The following TNXB variants were observed in gnomAD, a reference collection of about 807,000 sequenced individuals.
TNXB encodes the protein tenascin XB.
Under a neutral mutation model 340.5 loss-of-function variants are expected in TNXB, and 183 were observed. That is an observed-to-expected ratio of 0.54 (90% CI 0.48 to 0.61). The LOEUF (loss-of-function observed/expected upper bound fraction) is 0.61. Ranked by LOEUF, TNXB falls within the 20% of genes least tolerant of loss-of-function variation. The probability of loss-of-function intolerance (pLI) is 0.00; values close to 1 mark genes in which losing one functional copy is unlikely to be tolerated. For missense variants in TNXB, 4,613 were observed against 5,446.4 expected (o/e 0.85, Z 4.82); for synonymous variants, 2,121 against 2,314.5 (o/e 0.92, Z 2.40).
rs982856078 is a variant in TNXB, at chr6:32,048,558, C to T, written c.9850G>A (p.Val3284Met). The change falls in exon 29 of 44, where the codon GTG (valine) becomes ATG (methionine). Residue 3284 changes from valine to methionine, a missense_variant. Around this residue, in one of 7 missense-constraint regions of TNXB, gnomAD observed 4,327 missense variants for 4,859.4 expected, o/e 0.89. Coordinates refer to ENST00000644971, the MANE Select transcript of TNXB (RefSeq NM_001365276.2). ...TSDSVGLSWT[V>M]AQGPFDSFLV... ...AAGGAGTCAAAGGGGCCCTGGGCCACCGTCCATGAGAGGCCCACTGAGTCC... is the reference window on the plus strand; with the variant it reads ...AAGGAGTCAAAGGGGCCCTGGGCCATCGTCCATGAGAGGCCCACTGAGTCC... 1 of 1,584,870 alleles carries T rather than the reference C, an allele frequency of 6.3e-7. No individual in the cohort carries two copies. Among genetic ancestry groups the T allele is most frequent in the South Asian group, 1.1e-5 (1 of 87,044 alleles).
Position 32,095,774 on chromosome 6 carries a change from C to A in TNXB, c.2079G>T (p.Gly693=). The change falls in exon 3 of 44, where the codon GGG becomes GGT. Residue 693 remains glycine (G), a synonymous_variant. Coordinates refer to ENST00000644971, the MANE Select transcript of TNXB (RefSeq NM_001365276.2). ...PPASACPGGC[G]PRELCRAGQC... ...GGCCTGCCCGGCACAGTTCCCGGGG[C>A]CCGCAGCCTCCAGGGCAGGCGCTGG... The A allele has an allele frequency of 6.2e-7, 1 of 1,613,684 alleles. No homozygotes were observed. Among genetic ancestry groups the A allele is most frequent in the Admixed American group, 1.7e-5 (1 of 60,000 alleles).
At chr6:32,065,374 C>T (rs1240484781) in intron 18 of TNXB, among the ~76,000 whole-genome samples, 2 of 152,138 alleles carry the variant, frequency 1.3e-5, no homozygotes, top group Non-Finnish European at 2.9e-5. Flanking sequence ...TGGCTCATCC[C>T]CACACTTCCT....
intron 1 of TNXB, among the ~76,000 whole-genome samples, chr6:32,103,233 G>A (rs28732173): frequency 0.039 from 5,899 of 151,468 alleles, 208 homozygotes; most frequent in Admixed American, 0.11. Context: ...CCAGCCTGGC[G>A]ATCATGCTGA....
At position 32,072,779 on chromosome 6, in the gene TNXB, GT is replaced by G. The variant is rs1229162163; in HGVS notation, c.4682-482del. Among the ~76,000 whole-genome samples, 4 of 152,176 alleles carry G rather than the reference GT, an allele frequency of 2.6e-5. No homozygotes were observed. Among genetic ancestry groups the G allele is most frequent in the Non-Finnish European group, 5.9e-5 (4 of 68,030 alleles). ...AGCCTGGCCAACATGGCGAAACCCTGTTTCTACTAAAAATACAAAAAATTAG... is the reference window on the plus strand; with the variant it reads ...AGCCTGGCCAACATGGCGAAACCCTGTTCTACTAAAAATACAAAAAATTAG... On this transcript the variant is annotated intron_variant, in intron 12 of 43. Transcript: ENST00000644971. This position sits in a 1 kb window ranked among gnomAD's most constrained non-coding sequence, Gnocchi z 4.4.
rs1296107424 is a variant in TNXB, at chr6:32,069,755, G to A, written c.5385C>T (p.Ser1795=). The A allele has an allele frequency of 6.2e-7, 1 of 1,612,768 alleles. No homozygotes were observed. Among genetic ancestry groups the A allele is most frequent in the South Asian group, 1.1e-5 (1 of 90,900 alleles). ...CAAACTGGCCCTCAGGGACTGTCCA[G>A]GAGAGGCCCACGGAGTTCTGGGTCA... The part of the protein sequence containing the change: ...TTVTQNSVGL[S]WTVPEGQFDS... Residue 1795 remains serine, a synonymous_variant, in exon 15 of 44, where the codon TCC becomes TCT. Transcript: ENST00000644971. This position sits in a 1 kb window ranked among gnomAD's most constrained non-coding sequence, Gnocchi z 6.2.
At position 32,046,300 on chromosome 6, in the gene TNXB, G is replaced by T. The variant is rs559445177; in HGVS notation, c.10481C>A (p.Pro3494His). The change falls in exon 31 of 44, where the codon CCT becomes CAT. Residue 3494 changes from proline (P) to histidine (H), a missense_variant. Coordinates refer to ENST00000644971, the MANE Select transcript of TNXB (RefSeq NM_001365276.2). This position sits in a 1 kb window ranked among gnomAD's most constrained non-coding sequence, Gnocchi z 6.9. ...RDTDGQPRAVPVAADQRTVTV... is the reference protein window; with the variant it reads ...RDTDGQPRAVHVAADQRTVTV... ...GACTGTGCGCTGGTCTGCGGCCACAGGCACTGCCCTGGGCTGCCCGTCCGT... is the reference window on the plus strand; with the variant it reads ...GACTGTGCGCTGGTCTGCGGCCACATGCACTGCCCTGGGCTGCCCGTCCGT... 1 of 1,606,628 alleles carries T rather than the reference G, an allele frequency of 6.2e-7. No homozygotes were observed. The highest frequency in any genetic ancestry group is 1.3e-5 in the African/African-American group (1 of 75,030).
chr6:32,083,600 G>A lies in TNXB; in HGVS notation c.3445+813C>T, dbSNP rs1182526125. 6.6e-6 allele frequency among the ~76,000 whole-genome samples: 1 copy of A among 151,926 alleles called. No individual in the cohort carries two copies. The highest frequency in any genetic ancestry group is 1.5e-5 in the Non-Finnish European group (1 of 67,996). On this transcript the variant is annotated intron_variant, in intron 8 of 43. Coordinates refer to ENST00000644971, the MANE Select transcript of TNXB (RefSeq NM_001365276.2). This position sits in a 1 kb window ranked among gnomAD's most constrained non-coding sequence, Gnocchi z 4.6. ...TGCCTGGTACACCTTGCTTTCCTTCGCCTCCCCCATCCAGCCCCACTGCCA... is the reference window on the plus strand; with the variant it reads ...TGCCTGGTACACCTTGCTTTCCTTCACCTCCCCCATCCAGCCCCACTGCCA...
In TNXB at chr6:32,097,194, C is replaced by G. The variant is rs1293355530; in HGVS notation, c.659G>C (p.Gly220Ala). ...GCAGCGCCCACGGCCTTGGCAGTCC[C>G]CGGGACAGGATGGCCAGCCACAGCT... The part of the protein sequence containing the change: ...GPSCGWPSCP[G>A]DCQGRGRCVQ... The change falls in exon 3 of 44, where the codon GGG (glycine) becomes GCG (alanine). Residue 220 changes from glycine to alanine, a missense_variant. Physicochemically the swap from Gly to Ala is moderately conservative, Grantham distance 60. This residue lies in a region of TNXB where 4,327 missense variants were observed against 4,859.4 expected (regional missense o/e 0.89). Coordinates refer to ENST00000644971, the MANE Select transcript of TNXB (RefSeq NM_001365276.2). This position sits in a 1 kb window ranked among gnomAD's most constrained non-coding sequence, Gnocchi z 5.9. 2 of 1,596,326 alleles carry G rather than the reference C, an allele frequency of 1.3e-6. No individual in the cohort carries two copies. Among genetic ancestry groups the G allele is most frequent in the Non-Finnish European group, 1.7e-6 (2 of 1,172,114 alleles).
rs769060055 is a variant in TNXB at position 32,068,574 on chromosome 6, T to G, written c.6036A>C (p.Gly2012=). 1.8e-5 allele frequency: 29 copies of G among 1,613,800 alleles called. No individual in the cohort carries two copies. The East Asian group carries it at 5.3e-4, about 30-fold the overall frequency. The change falls in exon 17 of 44, where the codon GGA becomes GGC. Residue 2012 remains glycine (G), a synonymous_variant. Transcript: ENST00000644971. The surrounding 1 kb of genome is among the most constrained non-coding windows in gnomAD (Gnocchi z 5.3). ...SLSLSWTVPE[G]QFDHFLVQYR... ...ACTGGACCAGGAAGTGGTCAAACTG[T>G]CCCTCGGGAACTGTCCAGGACAGGC...
In TNXB at chr6:32,075,006, GC is replaced by G. The variant is rs1193781849; in HGVS notation, c.4376-1055del. On this transcript the variant is annotated intron_variant, in intron 11 of 43. Transcript: ENST00000644971. The surrounding 1 kb of genome is among the most constrained non-coding windows in gnomAD (Gnocchi z 4.6). Reference sequence around the variant, plus strand: ...GGATTACAACTTCATTCTTCCAGCTGCTCAGATCTAAACCGCCAGAGTCATC... The same window carrying G: ...GGATTACAACTTCATTCTTCCAGCTGTCAGATCTAAACCGCCAGAGTCATC... Among the ~76,000 whole-genome samples the G allele has an allele frequency of 1.3e-5, 2 of 152,168 alleles. No homozygotes were observed. Among genetic ancestry groups the G allele is most frequent in the African/African-American group, 4.8e-5 (2 of 41,442 alleles).
chr6:32,083,855 G>T lies in TNXB; in HGVS notation c.3445+558C>A, dbSNP rs116414491. 1.3e-5 allele frequency among the ~76,000 whole-genome samples: 2 copies of T among 151,984 alleles called. No homozygotes were observed. The highest frequency in any genetic ancestry group is 1.3e-4 in the Admixed American group (2 of 15,264). ...TCTTTTGTTATAGTAGAGATGGGGG[G>T]TCTCACTATGTTGCCAGGTTGGTCT... is the stretch of plus-strand genomic sequence containing the variant. On this transcript the variant is annotated intron_variant, in intron 8 of 43. Transcript: ENST00000644971. The surrounding 1 kb of genome is among the most constrained non-coding windows in gnomAD (Gnocchi z 4.6).
rs1303598878 is a variant in TNXB, at chr6:32,053,557, G to A, written c.8622C>T (p.Phe2874=). 3 of 1,613,602 alleles carry A rather than the reference G, an allele frequency of 1.9e-6. No homozygotes were observed. Among genetic ancestry groups the A allele is most frequent in the African/African-American group, 2.7e-5 (2 of 74,922 alleles). ...CATCCCCATTCCTGTACTGGACCAG[G>A]AAGTGGTCAAACTGGCCCTCGGGGA... ...WMVPEGQFDH[F]LVQYRNGDGQ... is the part of the protein sequence containing the mutation. Residue 2874 remains phenylalanine, a synonymous_variant, in exon 25 of 44, where the codon TTC becomes TTT. Transcript: ENST00000644971.
rs1369393462 is a variant in TNXB at position 32,108,193 on chromosome 6, G to C, written c.-9+988C>G. 2.0e-5 allele frequency among the ~76,000 whole-genome samples: 3 copies of C among 152,164 alleles called. No individual in the cohort carries two copies. The highest frequency in any genetic ancestry group is 1.9e-4 in the East Asian group (1 of 5,192). ...GGAAAAGAGGAGGGGCTGGAGATGCGGGAAGCAGGGGCAGGGCAGGCAGCA... is the reference window on the plus strand; with the variant it reads ...GGAAAAGAGGAGGGGCTGGAGATGCCGGAAGCAGGGGCAGGGCAGGCAGCA... On this transcript the variant is annotated intron_variant, in intron 1 of 43. Transcript: ENST00000644971. The surrounding 1 kb of genome is among the most constrained non-coding windows in gnomAD (Gnocchi z 4.8).
chr6:32,094,084 ACT>A, intron 4 of TNXB, among the ~76,000 whole-genome samples: 2 of 119,440 alleles, frequency 1.7e-5, no homozygotes, highest in Admixed American at 1.1e-4. Context: ...ACAGAGTGAG[ACT>A]CTCTGTCTCA....
In TNXB at chr6:32,070,368, C is replaced by T; in HGVS notation, c.5037G>A (p.Glu1679=). 1 of 1,603,578 alleles carries T rather than the reference C, an allele frequency of 6.2e-7. No individual in the cohort carries two copies. The highest frequency in any genetic ancestry group is 8.5e-7 in the Non-Finnish European group (1 of 1,174,772). ...ASPGAPPRLG[E]LWVTDPTPDS... ...CTGGGGTGGGGTCTGTCACCCACAGCTCCCCAAGGCGGGGTGGGGCCCCTG... is the reference window on the plus strand; with the variant it reads ...CTGGGGTGGGGTCTGTCACCCACAGTTCCCCAAGGCGGGGTGGGGCCCCTG... Residue 1679 remains glutamate, a synonymous_variant, in exon 14 of 44, where the codon GAG becomes GAA. Coordinates refer to ENST00000644971, the MANE Select transcript of TNXB (RefSeq NM_001365276.2). This position sits in a 1 kb window ranked among gnomAD's most constrained non-coding sequence, Gnocchi z 6.0.
At chr6:32,104,932 C>T (rs1780905864) in intron 1 of TNXB, among the ~76,000 whole-genome samples, 1 of 152,144 alleles carries the variant, frequency 6.6e-6, no homozygotes. Flanking sequence ...CCACTGTGTC[C>T]AGCCCTGACC....
At position 32,084,659 on chromosome 6, in the gene TNXB, C is replaced by T. The variant is rs779435692; in HGVS notation, c.3199G>A (p.Glu1067Lys). 2 of 1,595,870 alleles carry T rather than the reference C, an allele frequency of 1.3e-6. No individual in the cohort carries two copies. The highest frequency in any genetic ancestry group is 2.2e-5 in the South Asian group (2 of 89,034). The change falls in exon 8 of 44, where the codon GAG becomes AAG. Residue 1067 changes from glutamate to lysine, a missense_variant. Coordinates refer to ENST00000644971, the MANE Select transcript of TNXB (RefSeq NM_001365276.2). This position sits in a 1 kb window ranked among gnomAD's most constrained non-coding sequence, Gnocchi z 5.5. ...GAGGTCCTGTCTGTCACCGTCAGCT[C>T]ACCCAGGCGTGGTGGGCCTGAGGAC... ...GKSSGPPRLG[E>K]LTVTDRTSDS...
At position 32,062,712 on chromosome 6, in the gene TNXB, G is replaced by C. The variant is rs544840940; in HGVS notation, c.6842-229C>G. ...TCAGTGTGCAGGCCTGGGACCCTTA[G>C]GAGCTGCCAAGCAAATTTGTTTTGC... On this transcript the variant is annotated intron_variant, in intron 19 of 43. Transcript: ENST00000644971. The surrounding 1 kb of genome is among the most constrained non-coding windows in gnomAD (Gnocchi z 4.3). 6.6e-6 allele frequency among the ~76,000 whole-genome samples: 1 copy of C among 152,314 alleles called. No homozygotes were observed. The highest frequency in any genetic ancestry group is 1.9e-4 in the East Asian group (1 of 5,186).
chr6:32,049,297 C>T lies in TNXB; in HGVS notation c.9730G>A (p.Gly3244Ser), dbSNP rs746145581. 2 of 1,611,972 alleles carry T rather than the reference C, an allele frequency of 1.2e-6. No individual in the cohort carries two copies. The highest frequency in any genetic ancestry group is 1.7e-5 in the Admixed American group (1 of 59,988). Reference sequence around the variant, plus strand: ...GTGATGCCCACGGTGGACACTGGGCCCACGCGCTGCCCCTCGTGGAGGCCG... The same window carrying T: ...GTGATGCCCACGGTGGACACTGGGCTCACGCGCTGCCCCTCGTGGAGGCCG... ...LYGLHEGQRV[G>S]PVSTVGITAP... is the part of the protein sequence containing the mutation. The change falls in exon 28 of 44, where the codon GGC (glycine) becomes AGC (serine). Residue 3244 changes from glycine to serine, a missense_variant. Transcript: ENST00000644971. This position sits in a 1 kb window ranked among gnomAD's most constrained non-coding sequence, Gnocchi z 4.5.
Sources: allele counts gnomAD v4.1 joint callset (sites outside exome capture counted in the v4.1 genomes callset), GRCh38; gene constraint gnomAD v4.1.1; regional missense constraint gnomAD v4.1.1; non-coding constraint Gnocchi (gnomAD v3.1); transcripts MANE v1.5; gene names NCBI Gene and HGNC (gene_info 2026-07-23, HGNC 2026-07-21).